The following MGAM variants were observed in gnomAD, a reference collection of about 807,000 sequenced individuals.
MGAM encodes maltase-glucoamylase.
In MGAM, 253 loss-of-function variants were observed where a neutral mutation model predicts 358.8. That is an observed-to-expected ratio of 0.71 (90% CI 0.64 to 0.78). The LOEUF (loss-of-function observed/expected upper bound fraction) is 0.78, where lower values mean the gene tolerates loss of function less well. Among genes scored for constraint, MGAM ranks in the 30% least tolerant of loss-of-function variants. The pLI, the probability that MGAM is intolerant of heterozygous loss-of-function variation, is 0.00. For synonymous variants in MGAM, 1,105 were observed against 1,227.1 expected (o/e 0.90, Z 2.08); for missense variants, 3,080 against 3,432.6 (o/e 0.90, Z 2.57).
intron 70 of MGAM, among the ~76,000 whole-genome samples, chr7:142,104,288 C>A (rs796476638): frequency 2.6e-5 from 4 of 152,046 alleles, no homozygotes; most frequent in Non-Finnish European, 5.9e-5. Flanking sequence ...TCTGCCTCAA[C>A]GTAATTTAAA....
intron 35 of MGAM, 144 bp downstream of exon 35, chr7:142,062,846 G>A: frequency 1.4e-6 from 2 of 1,408,308 alleles, no homozygotes; most frequent in South Asian, 1.5e-5. Context: ...CCTCTCAGGA[G>A]AGGAACTGCC....
In MGAM at chr7:142,002,557, G is replaced by A. The variant is rs144129330; in HGVS notation, c.-2-2972G>A. ...AAAAAAAACCCTTAAAAACCTTGGC[G>A]TAGGGAGACCATACCTCAAAATAAT... On this transcript the variant is annotated intron_variant, in intron 1 of 70. Transcript: ENST00000475668. 6.8e-3 allele frequency among the ~76,000 whole-genome samples: 1,038 copies of A among 151,990 alleles called. 5 individuals carry two copies. The highest frequency in any genetic ancestry group is 0.027 in the Middle Eastern group (8 of 294).
At chr7:142,087,469 T>G (rs1479134296) in intron 57 of MGAM, among the ~76,000 whole-genome samples, 1 of 146,362 alleles carries the variant, frequency 6.8e-6, no homozygotes, top group Admixed American at 6.9e-5. Context: ...TGAGGCAGCC[T>G]GTGTGCTTTA....
chr7:142,076,562 G>A, intron 46 of MGAM, 97 bp from the exon 47 acceptor site: 1 of 1,125,194 alleles, frequency 8.9e-7, no homozygotes, highest in Non-Finnish European at 1.3e-6. Flanking sequence ...TCATGGCAGT[G>A]GGGGGTATCC....
At chr7:142,044,075 ACATTATATACACATACGACG>A (rs1809561701) in intron 21 of MGAM, among the ~76,000 whole-genome samples, 4 of 142,562 alleles carry the variant, frequency 2.8e-5, no homozygotes, top group Admixed American at 1.4e-4. Flanking sequence ...GACGTATAAT[ACATTATATACACATACGACG>A]TATAATATAT....
chr7:141,987,105 G>C (rs1366882000), intron 2 of MGAM, among the ~76,000 whole-genome samples: 1 of 152,200 alleles, frequency 6.6e-6, no homozygotes, highest in Non-Finnish European at 1.5e-5. Flanking sequence ...TTGTCACATG[G>C]CACAGAAACA....
chr7:142,104,004 C>T (rs2129068362), intron 70 of MGAM, among the ~76,000 whole-genome samples: 1 of 152,170 alleles, frequency 6.6e-6, no homozygotes. Flanking sequence ...AGGCGTCTGC[C>T]ACTATGCCCG....
At position 142,031,808 on chromosome 7, in the gene MGAM, C is replaced by T. The variant is rs1807519917; in HGVS notation, c.1584+15C>T. The T allele has an allele frequency of 5.9e-6, 9 of 1,518,018 alleles. No individual in the cohort carries two copies. The East Asian group carries it at 2.0e-4, about 34-fold the overall frequency. The allele number at this position is 1,518,018 out of a possible 1,614,324, so 94.0% of individuals were successfully genotyped here. A position where few individuals can be genotyped will look rare whatever the true frequency, so the allele number is the denominator to read the frequency against. ...GAATCTGGATTGTGAGTTGTTTACA[C>T]TTGGATTATTAGGTGACAAATATTC... On this transcript the variant is annotated intron_variant, in intron 13 of 70. Coordinates refer to ENST00000475668, the MANE Select transcript of MGAM (RefSeq NM_001365693.1).
chr7:142,095,616 G>T lies in MGAM; in HGVS notation c.7510G>T (p.Val2504Phe), dbSNP rs773232506. 1 of 1,613,702 alleles carries T rather than the reference G, an allele frequency of 6.2e-7. No individual in the cohort carries two copies. Among genetic ancestry groups the T allele is most frequent in the East Asian group, 2.2e-5 (1 of 44,890 alleles). Residue 2504 changes from valine to phenylalanine, a missense_variant, in exon 64 of 71, where the codon GTC becomes TTC. Transcript: ENST00000475668. Reference protein sequence around the residue: ...DVAFVNISRTVLQTRYTLLPY... With the variant: ...DVAFVNISRTFLQTRYTLLPY... ...TGCTTTTGTGAATATTTCCAGAACT[G>T]TCCTGCAGACCAGATACACCCTGTT...
At chr7:142,027,270 C>G in intron 9 of MGAM, 43 bp downstream of exon 9, 5 of 1,449,402 alleles carry the variant, frequency 3.4e-6, no homozygotes, top group Non-Finnish European at 4.8e-6. Flanking sequence ...AAATCCTAAA[C>G]AGCAAATATT....
chr7:142,100,871 G>A lies in MGAM; in HGVS notation c.7944G>A (p.Trp2648Ter). 6.2e-7 allele frequency: 1 copy of A among 1,613,110 alleles called. No individual in the cohort carries two copies. The highest frequency in any genetic ancestry group is 8.5e-7 in the Non-Finnish European group (1 of 1,179,614). ...DEGTAGGWLF[W>*]DDGQSIDTYG... ...GAACTGCTGGGGGCTGGCTCTTCTG[G>A]GATGATGGGCAAAGCATTGGTGAGT... is the stretch of plus-strand genomic sequence containing the variant. Residue 2648 changes from tryptophan to a stop codon, truncating the protein, a stop_gained, in exon 68 of 71, where the codon TGG (tryptophan) becomes TGA (stop). Transcript: ENST00000475668. LOFTEE classifies it high-confidence loss of function.
At position 142,027,688 on chromosome 7, in the gene MGAM, A is replaced by G. The variant is rs781929078; in HGVS notation, c.1174A>G (p.Asn392Asp). The G allele has an allele frequency of 4.5e-5, 72 of 1,613,368 alleles. No individual in the cohort carries two copies. The highest frequency in any genetic ancestry group is 5.8e-5 in the Non-Finnish European group (68 of 1,179,590). ...LSRYEYGTLD[N>D]MREVVERNRA... The stretch of plus-strand genomic sequence containing the variant: ...TCGTTACGAATATGGAACCTTAGAC[A>G]ACATGAGGGAAGTCGTGGAGAGAAA... The change falls in exon 10 of 71, where the codon AAC becomes GAC. Residue 392 changes from asparagine (N) to aspartate (D), a missense_variant. Around this residue, in one of 5 missense-constraint regions of MGAM, gnomAD observed 1,816 missense variants for 1,840.5 expected, o/e 0.99. Transcript: ENST00000475668.
At chr7:141,987,192 T>C (rs1554446385) in intron 2 of MGAM, among the ~76,000 whole-genome samples, 1 of 152,182 alleles carries the variant, frequency 6.6e-6, no homozygotes, top group East Asian at 1.9e-4. Flanking sequence ...AGTGTTTTGA[T>C]GAAGAAATAG....
In MGAM at chr7:142,020,954, T is replaced by G. The variant is rs568598146; in HGVS notation, c.449-20T>G. The G allele has an allele frequency of 1.6e-5, 25 of 1,532,550 alleles. No homozygotes were observed. The highest frequency in any genetic ancestry group is 9.1e-5 in the East Asian group (4 of 44,018). 94.9% of individuals were successfully genotyped at this position (1,532,550 alleles called of 1,614,324 possible). A position where few individuals can be genotyped will look rare whatever the true frequency, so the allele number is the denominator to read the frequency against. On this transcript the variant is annotated intron_variant, in intron 4 of 70. Coordinates refer to ENST00000475668, the MANE Select transcript of MGAM (RefSeq NM_001365693.1). The stretch of plus-strand genomic sequence containing the variant: ...ATTTGCAGAGTCAACTATGAAAACC[T>G]TTTTTTTCTCCTATGTTAGGATTCA...
chr7:142,061,375 T>C (rs1812183918), intron 34 of MGAM, among the ~76,000 whole-genome samples: 1 of 152,068 alleles, frequency 6.6e-6, no homozygotes, highest in Admixed American at 6.5e-5. Context: ...CTTTGTCGGG[T>C]TTCCTGGTTC....
rs528432814 is a variant in MGAM, at chr7:142,012,708, C to G, written c.327+4003C>G. Among the ~76,000 whole-genome samples the G allele has an allele frequency of 2.0e-5, 3 of 152,268 alleles. No homozygotes were observed. The South Asian group carries it at 6.2e-4, about 32-fold the overall frequency. On this transcript the variant is annotated intron_variant, in intron 3 of 70. Coordinates refer to ENST00000475668, the MANE Select transcript of MGAM (RefSeq NM_001365693.1). The stretch of plus-strand genomic sequence containing the variant: ...CAGGGTTTGGCTGAATGGTTCTGTT[C>G]CACATAGCATTTACTGGGATTACAT...
intron 68 of MGAM, among the ~76,000 whole-genome samples, chr7:142,101,169 A>C (rs1267444356): frequency 6.6e-6 from 1 of 152,154 alleles, no homozygotes; most frequent in Non-Finnish European, 1.5e-5. Flanking sequence ...GCCAGCGGAG[A>C]TAAACTTTCA....
At chr7:142,038,224 C>A (rs931143343) in intron 18 of MGAM, among the ~76,000 whole-genome samples, 2 of 152,026 alleles carry the variant, frequency 1.3e-5, no homozygotes, top group African/African-American at 2.4e-5. Context: ...TGCGAATGTC[C>A]GGATCTCAAC....
intron 1 of MGAM, among the ~76,000 whole-genome samples, chr7:142,005,202 A>G (rs1554451941): frequency 6.6e-6 from 1 of 152,114 alleles, no homozygotes. Flanking sequence ...ATTTGATGAC[A>G]GTAAATTATT....
Sources: allele counts gnomAD v4.1 joint callset (sites outside exome capture counted in the v4.1 genomes callset), GRCh38; gene constraint gnomAD v4.1.1; regional missense constraint gnomAD v4.1.1; transcripts MANE v1.5; gene names NCBI Gene and HGNC (gene_info 2026-07-23, HGNC 2026-07-21).